SPOCK3: variants seen among roughly 807,000 people sequenced by gnomAD.
SPOCK3 encodes testican-3.
A neutral mutation model predicts 56.6 loss-of-function variants in SPOCK3; 30 were observed. That is an observed-to-expected ratio of 0.53 (90% confidence interval 0.40 to 0.72). SPOCK3 has a LOEUF of 0.72. SPOCK3 is among the 30% of genes least tolerant of loss of function. SPOCK3 has a pLI of 0.00. For missense variants in SPOCK3, 527 were observed against 530.0 expected (o/e 0.99, Z 0.06); for synonymous variants, 196 against 183.3 (o/e 1.07, Z -0.56).
intron 2 of SPOCK3, among the ~76,000 whole-genome samples, chr4:167,147,897 G>A (rs1422420288): frequency 5.3e-5 from 8 of 151,852 alleles, no homozygotes; most frequent in African/African-American, 1.7e-4. Flanking sequence ...TCCATGGCAC[G>A]TGTATACCTA....
chr4:167,003,569 A>C (rs1579964575), intron 3 of SPOCK3, among the ~76,000 whole-genome samples: 1 of 152,086 alleles, frequency 6.6e-6, no homozygotes, highest in African/African-American at 2.4e-5. Flanking sequence ...TAAATTCATC[A>C]TCTCCCTCTG....
At chr4:167,206,174 A>C (rs569721144) in intron 2 of SPOCK3, among the ~76,000 whole-genome samples, 1 of 152,024 alleles carries the variant, frequency 6.6e-6, no homozygotes, top group Non-Finnish European at 1.5e-5. Context: ...AAATACAAAA[A>C]TTAGCTGAGC....
intron 4 of SPOCK3, among the ~76,000 whole-genome samples, chr4:166,964,147 T>G (rs1744450746): frequency 6.6e-6 from 1 of 151,796 alleles, no homozygotes; most frequent in Non-Finnish European, 1.5e-5. Flanking sequence ...TGAATAAAAT[T>G]AATTAAAGGA....
At chr4:167,217,353 A>ATG (rs1209890341) in intron 2 of SPOCK3, among the ~76,000 whole-genome samples, 1 of 150,534 alleles carries the variant, frequency 6.6e-6, no homozygotes, top group African/African-American at 2.5e-5. Context: ...ACATGTACAG[A>ATG]TGTTTTTTTT....
intron 2 of SPOCK3, among the ~76,000 whole-genome samples, chr4:167,173,136 A>G (rs914305005): frequency 6.6e-6 from 1 of 152,058 alleles, no homozygotes; most frequent in Non-Finnish European, 1.5e-5. Flanking sequence ...ACGACTTCCC[A>G]CTTTCATTCT....
chr4:167,075,475 C>A (rs1757101460), intron 2 of SPOCK3, among the ~76,000 whole-genome samples: 1 of 151,688 alleles, frequency 6.6e-6, no homozygotes, highest in African/African-American at 2.4e-5. Context: ...GACTTGCTGC[C>A]TCAAAGTTTG....
chr4:167,016,999 G>A (rs1301132980), intron 3 of SPOCK3, among the ~76,000 whole-genome samples: 1 of 152,102 alleles, frequency 6.6e-6, no homozygotes, highest in Non-Finnish European at 1.5e-5. Context: ...AGGCTAGGGT[G>A]TAGTAAAGAC....
intron 10 of SPOCK3, 66 bp from the exon 11 acceptor site, chr4:166,735,156 A>G: frequency 1.1e-6 from 1 of 928,742 alleles, no homozygotes; most frequent in Non-Finnish European, 1.6e-6. Flanking sequence ...TGCAAGATAA[A>G]ATCCTTATAA....
At chr4:166,970,438 G>C (rs1292231977) in intron 4 of SPOCK3, among the ~76,000 whole-genome samples, 1 of 152,188 alleles carries the variant, frequency 6.6e-6, no homozygotes, top group East Asian at 1.9e-4. Context: ...TTCAAAAACA[G>C]AGTGGCTGGT....
At chr4:167,083,252 A>G (rs747116398) in intron 2 of SPOCK3, 5 of 765,196 alleles carry the variant, frequency 6.5e-6, no homozygotes, top group Non-Finnish European at 1.2e-5. Flanking sequence ...ACTTCCTCAG[A>G]CTTTCCCTAA....
chr4:167,105,619 A>C (rs993895420), intron 2 of SPOCK3, among the ~76,000 whole-genome samples: 5 of 151,908 alleles, frequency 3.3e-5, no homozygotes, highest in Admixed American at 1.3e-4. Context: ...ATCAATAATA[A>C]CATTGAAATG....
At chr4:167,169,074 A>T (rs1730261849) in intron 2 of SPOCK3, among the ~76,000 whole-genome samples, 1 of 152,154 alleles carries the variant, frequency 6.6e-6, no homozygotes, top group African/African-American at 2.4e-5. Flanking sequence ...ATTTCAGAGG[A>T]TGTATGGAAA....
chr4:166,927,377 G>T (rs951823021), intron 4 of SPOCK3, among the ~76,000 whole-genome samples: 3 of 152,092 alleles, frequency 2.0e-5, no homozygotes, highest in African/African-American at 7.2e-5. Flanking sequence ...TTCCACTTTT[G>T]CTTCTCTCTC....
At chr4:167,109,417 AT>A (rs1259057931) in intron 2 of SPOCK3, among the ~76,000 whole-genome samples, 3,599 of 92,300 alleles carry the variant, frequency 0.039, 97 homozygotes, top group African/African-American at 0.047. Flanking sequence ...AAATATATAT[AT>A]AAATATATAT....
chr4:166,959,809 C>G (rs892333381), intron 4 of SPOCK3, among the ~76,000 whole-genome samples: 4 of 151,782 alleles, frequency 2.6e-5, no homozygotes, highest in Admixed American at 1.3e-4. Context: ...TTATGTGCAC[C>G]ATATATAATA....
At chr4:166,981,322 CCAA>C (rs1201307302) in intron 4 of SPOCK3, among the ~76,000 whole-genome samples, 1 of 151,896 alleles carries the variant, frequency 6.6e-6, no homozygotes, top group Non-Finnish European at 1.5e-5. Context: ...GCAGGTCATC[CCAA>C]CAAGTGTCCA....
intron 2 of SPOCK3, among the ~76,000 whole-genome samples, chr4:167,163,761 C>A (rs1353687974): frequency 6.6e-6 from 1 of 151,994 alleles, no homozygotes; most frequent in African/African-American, 2.4e-5. Flanking sequence ...GTTCTTTATA[C>A]CAGATTTTCC....
At chr4:167,109,382 A>AAT (rs1561225234) in intron 2 of SPOCK3, among the ~76,000 whole-genome samples, 1 of 25,162 alleles carries the variant, frequency 4.0e-5, no homozygotes, top group African/African-American at 1.1e-4. Flanking sequence ...ATTTATATAA[A>AAT]ATATATAAAT....
intron 2 of SPOCK3, among the ~76,000 whole-genome samples, chr4:167,065,482 T>C (rs1348962760): frequency 6.6e-6 from 1 of 151,882 alleles, no homozygotes; most frequent in East Asian, 1.9e-4. Flanking sequence ...ACCACAGCTA[T>C]ATAAAAATCT....
Sources: gnomAD v4.1 joint callset for allele counts (sites outside exome capture counted in the v4.1 genomes callset) on GRCh38, gnomAD v4.1.1 for gene constraint, MANE v1.5 for transcripts, NCBI Gene and HGNC (gene_info 2026-07-23, HGNC 2026-07-21) for gene names.